Variants in COL26A1 observed in about 807,000 individuals in gnomAD.
The protein encoded by COL26A1 is collagen type XXVI alpha 1 chain.
A neutral mutation model predicts 59.3 loss-of-function variants in COL26A1; 41 were observed. The ratio of observed to expected loss-of-function variants is 0.69; its 90% CI spans 0.54 to 0.90. The LOEUF is 0.90. Ranked by LOEUF, COL26A1 falls within the 40% of genes least tolerant of loss-of-function variation. The pLI is 0.00. For missense variants in COL26A1, 612 were observed against 602.3 expected, an observed-to-expected ratio of 1.02 and a Z score of -0.17; for synonymous variants, 266 against 256.0, an observed-to-expected ratio of 1.04 and a Z score of -0.37.
intron 3 of COL26A1, among the ~76,000 whole-genome samples, chr7:101,502,643 G>A (rs1476654): frequency 6.6e-6 from 1 of 152,122 alleles, no homozygotes; most frequent in Non-Finnish European, 1.5e-5. Flanking sequence ...TGTCAGGGGG[G>A]ACCCAGGAAA....
At position 101,441,519 on chromosome 7, in the gene COL26A1, T is replaced by C. The variant is rs562628132; in HGVS notation, c.282-6165T>C. ...TTTTAGTAGAGATGGGGTTTCACCATGTTGGCCAGGCTGGTCTCGAACTCC... is the reference window on the plus strand; with the variant it reads ...TTTTAGTAGAGATGGGGTTTCACCACGTTGGCCAGGCTGGTCTCGAACTCC... On this transcript the variant is annotated intron_variant, in intron 2 of 12. Coordinates refer to ENST00000313669, the MANE Select transcript of COL26A1 (RefSeq NM_001278563.3). Among the ~76,000 whole-genome samples the C allele has an allele frequency of 5.2e-3, 798 of 152,228 alleles. 6 individuals are homozygous for C. The highest frequency in any genetic ancestry group is 0.031 in the Middle Eastern group (9 of 294).
At chr7:101,509,020 C>G (rs777209350) in intron 3 of COL26A1, among the ~76,000 whole-genome samples, 16 of 152,102 alleles carry the variant, frequency 1.1e-4, no homozygotes, top group Admixed American at 8.5e-4. Flanking sequence ...AAGCCTGGCA[C>G]CAGCATTTGC....
At chr7:101,472,682 C>T (rs994937015) in intron 3 of COL26A1, among the ~76,000 whole-genome samples, 4 of 152,178 alleles carry the variant, frequency 2.6e-5, no homozygotes, top group Non-Finnish European at 5.9e-5. Context: ...GAGGACAGCC[C>T]TTCCCTCAGC....
intron 10 of COL26A1, 69 bp from the exon 11 acceptor site, chr7:101,553,257 G>A: frequency 1.4e-6 from 2 of 1,441,038 alleles, no homozygotes; most frequent in South Asian, 2.4e-5. Flanking sequence ...AGGCCCCCAG[G>A]GAACTGGAGA....
intron 1 of COL26A1, among the ~76,000 whole-genome samples, chr7:101,401,548 A>G: frequency 6.8e-6 from 1 of 146,130 alleles, no homozygotes; most frequent in African/African-American, 2.5e-5. Context: ...AGGAAGAGGA[A>G]GAGTAGGAGG....
At chr7:101,454,497 G>A (rs1202662564) in intron 3 of COL26A1, among the ~76,000 whole-genome samples, 7 of 152,052 alleles carry the variant, frequency 4.6e-5, no homozygotes, top group Non-Finnish European at 1.0e-4. Context: ...GACCTCAGAT[G>A]ATCCACCCAC....
intron 3 of COL26A1, among the ~76,000 whole-genome samples, chr7:101,462,507 G>A (rs1380281851): frequency 6.6e-6 from 1 of 151,512 alleles, no homozygotes; most frequent in Non-Finnish European, 1.5e-5. Flanking sequence ...AGTAGAAAGG[G>A]GGTTTCACCA....
intron 3 of COL26A1, among the ~76,000 whole-genome samples, chr7:101,463,022 C>G (rs1375899648): frequency 6.6e-6 from 1 of 152,190 alleles, no homozygotes; most frequent in Non-Finnish European, 1.5e-5. Flanking sequence ...AGGGCAAGGA[C>G]AGGCCATGAT....
intron 8 of COL26A1, among the ~76,000 whole-genome samples, chr7:101,548,926 G>T (rs1430353318): frequency 1.3e-5 from 2 of 152,190 alleles, no homozygotes; most frequent in Non-Finnish European, 2.9e-5. Flanking sequence ...CGGGATTGGG[G>T]CTGCGTCGTG....
chr7:101,536,757 T>C (rs973830446), intron 4 of COL26A1, among the ~76,000 whole-genome samples: 1 of 152,184 alleles, frequency 6.6e-6, no homozygotes, highest in African/African-American at 2.4e-5. Context: ...CCACAAGAAG[T>C]CCAGGAGCAG....
chr7:101,494,092 C>T (rs988963435), intron 3 of COL26A1, among the ~76,000 whole-genome samples: 2 of 142,316 alleles, frequency 1.4e-5, no homozygotes, highest in Non-Finnish European at 3.1e-5. Context: ...CGATTGGGAA[C>T]GAAGACACAG....
At chr7:101,526,850 A>C (rs1268354121) in intron 3 of COL26A1, among the ~76,000 whole-genome samples, 1 of 152,182 alleles carries the variant, frequency 6.6e-6, no homozygotes, top group East Asian at 1.9e-4. Flanking sequence ...TATAGATGGG[A>C]AAACTGAGGT....
rs1288748394 is a variant in COL26A1 at position 101,482,085 on chromosome 7, C to T, written c.385+34298C>T. ...AGGCTGGAGTGCAGTGGCATGATCTCGGCTCACTGCAACCTCTGCCTCCCG... is the reference window on the plus strand; with the variant it reads ...AGGCTGGAGTGCAGTGGCATGATCTTGGCTCACTGCAACCTCTGCCTCCCG... On this transcript the variant is annotated intron_variant, in intron 3 of 12. Transcript: ENST00000313669. 2.6e-5 allele frequency among the ~76,000 whole-genome samples: 4 copies of T among 151,560 alleles called. No individual in the cohort carries two copies. The East Asian group carries it at 5.8e-4, about 22-fold the overall frequency.
chr7:101,430,048 T>C (rs1257152241), intron 2 of COL26A1, among the ~76,000 whole-genome samples: 1 of 152,198 alleles, frequency 6.6e-6, no homozygotes, highest in Non-Finnish European at 1.5e-5. Flanking sequence ...TTGGTATTTT[T>C]AGCATGTTGA....
chr7:101,500,813 G>T (rs34707022), intron 3 of COL26A1, among the ~76,000 whole-genome samples: 16,790 of 151,692 alleles, frequency 0.11, 965 homozygotes, highest in African/African-American at 0.13. Flanking sequence ...AGAGCGAGAC[G>T]CTGTCTCAAT....
chr7:101,390,366 G>A (rs903519349), intron 1 of COL26A1, among the ~76,000 whole-genome samples: 1 of 151,894 alleles, frequency 6.6e-6, no homozygotes, highest in Non-Finnish European at 1.5e-5. Flanking sequence ...GACCTCAAGC[G>A]ATCTGCCCGC....
intron 3 of COL26A1, among the ~76,000 whole-genome samples, chr7:101,517,838 A>G (rs1795063648): frequency 3.1e-5 from 3 of 96,076 alleles, no homozygotes; most frequent in Non-Finnish European, 1.9e-5. Context: ...TTTTGAGATG[A>G]GGTCTTGCTC....
chr7:101,551,039 G>A, intron 9 of COL26A1, 69 bp from the exon 10 acceptor site: 2 of 1,477,800 alleles, frequency 1.4e-6, no homozygotes, highest in Non-Finnish European at 1.9e-6. Context: ...GGGGAGGGGG[G>A]TGGCCAGAGG....
chr7:101,403,517 TCAA>T (rs987564769), intron 1 of COL26A1, among the ~76,000 whole-genome samples: 2 of 149,592 alleles, frequency 1.3e-5, no homozygotes, highest in Admixed American at 6.7e-5. Context: ...AGACTCTGCT[TCAA>T]CAACAACAAC....
Sources: gnomAD v4.1 joint callset for allele counts (sites outside exome capture counted in the v4.1 genomes callset) on GRCh38, gnomAD v4.1.1 for gene constraint, MANE v1.5 for transcripts, NCBI Gene and HGNC (gene_info 2026-07-23, HGNC 2026-07-21) for gene names.